The following TAF3 variants were observed in gnomAD, a reference collection of about 807,000 sequenced individuals.
TAF3 encodes transcription initiation factor TFIID subunit 3.
A neutral mutation model predicts 80.6 loss-of-function variants in TAF3; 7 were observed. The observed-to-expected ratio is 0.09, with a 90% CI of 0.05 to 0.16. The LOEUF is 0.16. TAF3 is among the 10% of genes least tolerant of loss of function. The pLI, the probability that TAF3 is intolerant of heterozygous loss-of-function variation, is 1.00. For missense variants in TAF3, 921 were observed against 1,140.2 expected (o/e 0.81, Z 2.77); for synonymous variants, 444 against 446.1 (o/e 1.00, Z 0.06).
intron 2 of TAF3, among the ~76,000 whole-genome samples, chr10:7,901,998 G>A (rs900497927): frequency 2.0e-5 from 3 of 152,046 alleles, no homozygotes; most frequent in African/African-American, 7.2e-5. Context: ...CAGACTTTAT[G>A]TTCGGAACCA....
At chr10:7,866,984 C>T (rs776677860) in intron 2 of TAF3, among the ~76,000 whole-genome samples, 11 of 152,148 alleles carry the variant, frequency 7.2e-5, no homozygotes, top group South Asian at 2.1e-4. Context: ...TTCGGCTGGG[C>T]GTGGTGGCTC....
chr10:8,009,428 T>A lies in TAF3; in HGVS notation c.2568+98T>A. 1 of 1,413,578 alleles carries A rather than the reference T, an allele frequency of 7.1e-7. No homozygotes were observed. The highest frequency in any genetic ancestry group is 2.6e-5 in the Admixed American group (1 of 39,166). 87.6% of individuals were successfully genotyped at this position (1,413,578 alleles called of 1,614,324 possible). On this transcript the variant is annotated intron_variant, in intron 5 of 6. Coordinates refer to ENST00000344293, the MANE Select transcript of TAF3 (RefSeq NM_031923.4). The surrounding 1 kb of genome is among the most constrained non-coding windows in gnomAD (Gnocchi z 4.1). ...TATCGAATTTCAGACGCATTTCTCTTCAAAATTTTATTATTTACTTAATTA... is the reference window on the plus strand; with the variant it reads ...TATCGAATTTCAGACGCATTTCTCTACAAAATTTTATTATTTACTTAATTA...
intron 2 of TAF3, chr10:7,833,487 T>G (rs1031310582): frequency 6.6e-6 from 1 of 152,298 alleles, no homozygotes; most frequent in Non-Finnish European, 1.5e-5. Flanking sequence ...TGGCAGTTTG[T>G]ATGTCTTATT....
intron 2 of TAF3, among the ~76,000 whole-genome samples, chr10:7,886,881 A>T (rs780108012): frequency 6.6e-6 from 1 of 152,200 alleles, no homozygotes; most frequent in Admixed American, 6.5e-5. Context: ...TTTAAATACC[A>T]TCTCTAAGAG....
chr10:7,854,046 C>G (rs1338295673), intron 2 of TAF3, among the ~76,000 whole-genome samples: 1 of 152,182 alleles, frequency 6.6e-6, no homozygotes, highest in Admixed American at 6.5e-5. Context: ...AATCATTCGC[C>G]CCACTCAGCC....
chr10:7,914,860 G>A (rs914312255), intron 2 of TAF3, among the ~76,000 whole-genome samples: 3 of 148,064 alleles, frequency 2.0e-5, no homozygotes, highest in Non-Finnish European at 1.5e-5. Flanking sequence ...CCTTTTCCTT[G>A]TATATGATAA....
chr10:7,991,612 A>G (rs1349400100), intron 4 of TAF3, among the ~76,000 whole-genome samples: 4 of 152,224 alleles, frequency 2.6e-5, no homozygotes, highest in Non-Finnish European at 5.9e-5. Context: ...ACACACATGC[A>G]TACATAAACA....
rs138938368 is a variant in TAF3, at chr10:7,908,327, A to G, written c.410-55593A>G. Among the ~76,000 whole-genome samples the G allele has an allele frequency of 2.6e-5, 4 of 152,330 alleles. No individual in the cohort carries two copies. The East Asian group carries it at 7.7e-4, about 29-fold the overall frequency. On this transcript the variant is annotated intron_variant, in intron 2 of 6. Transcript: ENST00000344293. ...CTCAGGTGACTCTTCCCATGCAGGAATGCAAGCCCTATGTTGCCAGGTTTT... is the reference window on the plus strand; with the variant it reads ...CTCAGGTGACTCTTCCCATGCAGGAGTGCAAGCCCTATGTTGCCAGGTTTT...
At chr10:7,839,093 T>C (rs1836884235) in intron 2 of TAF3, among the ~76,000 whole-genome samples, 1 of 151,960 alleles carries the variant, frequency 6.6e-6, no homozygotes, top group Non-Finnish European at 1.5e-5. Context: ...ACTTGACATG[T>C]TAGTTACTTG....
intron 2 of TAF3, among the ~76,000 whole-genome samples, chr10:7,939,812 G>A (rs79562615): frequency 1.3e-5 from 2 of 152,160 alleles, no homozygotes; most frequent in South Asian, 2.1e-4. Flanking sequence ...AGAAAAAAGT[G>A]TGAGAAAACT....
At chr10:8,007,197 T>C (rs143409198) in intron 4 of TAF3, among the ~76,000 whole-genome samples, 135 of 152,270 alleles carry the variant, frequency 8.9e-4, no homozygotes, top group African/African-American at 2.8e-3. Flanking sequence ...TGGAATACAA[T>C]ATAGTAATTA....
intron 4 of TAF3, among the ~76,000 whole-genome samples, chr10:7,997,315 C>T (rs1412811625): frequency 1.3e-5 from 2 of 152,214 alleles, no homozygotes; most frequent in South Asian, 2.1e-4. Flanking sequence ...TAGTAGCCAG[C>T]TATTCAGACT....
intron 2 of TAF3, among the ~76,000 whole-genome samples, chr10:7,851,943 C>CT (rs953053506): frequency 3.4e-4 from 50 of 146,736 alleles, no homozygotes; most frequent in South Asian, 4.3e-4. Flanking sequence ...CCATGCCTGG[C>CT]TTTTTTTTTT....
At chr10:8,007,524 CCTAA>C (rs1466004404) in intron 4 of TAF3, among the ~76,000 whole-genome samples, 4 of 131,280 alleles carry the variant, frequency 3.0e-5, no homozygotes, top group South Asian at 2.5e-4. Context: ...CTGATTATTA[CCTAA>C]CTGTCTGTTA....
At chr10:7,823,276 CAG>C (rs1261815446) in intron 1 of TAF3, among the ~76,000 whole-genome samples, 3 of 150,986 alleles carry the variant, frequency 2.0e-5, no homozygotes, top group Non-Finnish European at 4.4e-5. Flanking sequence ...CAGGGAACAA[CAG>C]AGGAAATGTA....
chr10:7,969,781 G>A (rs888295905), intron 3 of TAF3, among the ~76,000 whole-genome samples: 1 of 152,154 alleles, frequency 6.6e-6, no homozygotes, highest in African/African-American at 2.4e-5. Flanking sequence ...AGATAAGTAA[G>A]TCCAGTGCTG....
intron 3 of TAF3, among the ~76,000 whole-genome samples, chr10:7,968,827 A>C (rs1831596776): frequency 6.6e-6 from 1 of 152,348 alleles, no homozygotes; most frequent in Middle Eastern, 3.4e-3. Context: ...AAATGGGATA[A>C]GTGAAATCAC....
At chr10:7,955,132 A>C (rs899677244) in intron 2 of TAF3, among the ~76,000 whole-genome samples, 1 of 152,228 alleles carries the variant, frequency 6.6e-6, no homozygotes, top group Non-Finnish European at 1.5e-5. Context: ...AATATACCTA[A>C]ATTCAGACGA....
At chr10:8,011,208 TG>T (rs1458489194) in intron 5 of TAF3, among the ~76,000 whole-genome samples, 2 of 152,218 alleles carry the variant, frequency 1.3e-5, no homozygotes, top group South Asian at 2.1e-4. Flanking sequence ...GTAGGACTCA[TG>T]GTATTTGTTG....
Sources: allele counts gnomAD v4.1 joint callset (sites outside exome capture counted in the v4.1 genomes callset), GRCh38; gene constraint gnomAD v4.1.1; non-coding constraint Gnocchi (gnomAD v3.1); transcripts MANE v1.5; gene names NCBI Gene and HGNC (gene_info 2026-07-23, HGNC 2026-07-21).